Variants in GNAO1 observed in about 807,000 individuals in gnomAD.
GNAO1 encodes the protein guanine nucleotide-binding protein G(o) subunit alpha.
For missense variants in GNAO1, 166 were observed against 478.7 expected (o/e 0.35, Z 6.10); for synonymous variants, 164 against 180.7 (o/e 0.91, Z 0.74).
At chr16:56,343,395 T>C (rs534996339) in intron 6 of GNAO1, among the ~76,000 whole-genome samples, 2 of 148,460 alleles carry the variant, frequency 1.3e-5, no homozygotes, top group South Asian at 4.2e-4. Context: ...GAGAAGAGAG[T>C]ATTAGTCACT....
chr16:56,287,885 G>C (rs1325602396), intron 3 of GNAO1, among the ~76,000 whole-genome samples: 3 of 152,170 alleles, frequency 2.0e-5, no homozygotes, highest in African/African-American at 7.2e-5. Flanking sequence ...ATCACAGAGA[G>C]GGAGGAGAGT....
intron 2 of GNAO1, among the ~76,000 whole-genome samples, chr16:56,218,096 A>T (rs1350468855): frequency 6.6e-6 from 1 of 152,218 alleles, no homozygotes; most frequent in Non-Finnish European, 1.5e-5. Flanking sequence ...CTGATATTCT[A>T]AGAATTGCCA....
chr16:56,260,972 G>C (rs1228416597), intron 2 of GNAO1, among the ~76,000 whole-genome samples: 2 of 152,168 alleles, frequency 1.3e-5, no homozygotes, highest in Non-Finnish European at 2.9e-5. Flanking sequence ...CCCAACAAAG[G>C]GGTGGCGCAG....
chr16:56,332,169 C>T (rs530314716), intron 4 of GNAO1, among the ~76,000 whole-genome samples: 2 of 152,324 alleles, frequency 1.3e-5, no homozygotes, highest in Admixed American at 1.3e-4. Context: ...CAACATGCTT[C>T]TGGCCAGAAC....
At chr16:56,306,205 T>C (rs1211624061) in intron 3 of GNAO1, among the ~76,000 whole-genome samples, 2 of 152,202 alleles carry the variant, frequency 1.3e-5, no homozygotes, top group East Asian at 3.8e-4. Flanking sequence ...CAAGCAGCCT[T>C]TCTTACCGAA....
intron 2 of GNAO1, among the ~76,000 whole-genome samples, chr16:56,204,409 G>A (rs1238503773): frequency 6.6e-6 from 1 of 152,150 alleles, no homozygotes; most frequent in Admixed American, 6.5e-5. Context: ...GTGTCCCTGG[G>A]GTGAGCATAC....
rs147627705 is a variant in GNAO1, at chr16:56,250,792, A to G, written c.162-25139A>G. ...CAGCCTCAGCTCCAAATCCCCATGC[A>G]AAGTGTTTCTTTACTGGATATCCCA... On this transcript the variant is annotated intron_variant, in intron 2 of 8. Coordinates refer to ENST00000262493, the MANE Select transcript of GNAO1 (RefSeq NM_020988.3). Among the ~76,000 whole-genome samples the G allele has an allele frequency of 3.3e-3, 495 of 151,382 alleles. 2 individuals carry two copies. Among genetic ancestry groups the G allele is most frequent in the African/African-American group, 0.011 (474 of 41,558 alleles).
chr16:56,196,154 G>A (rs2036231054), intron 2 of GNAO1, among the ~76,000 whole-genome samples: 1 of 152,034 alleles, frequency 6.6e-6, no homozygotes, highest in Non-Finnish European at 1.5e-5. Context: ...CCTTGTGTGT[G>A]TGATTGTGAA....
chr16:56,226,311 T>A (rs1481325028), intron 2 of GNAO1: 1 of 152,250 alleles, frequency 6.6e-6, no homozygotes, highest in East Asian at 1.9e-4. Flanking sequence ...GATAGTGGTG[T>A]GCTGGTAAAC....
chr16:56,257,171 G>A (rs1191057927), intron 2 of GNAO1, among the ~76,000 whole-genome samples: 3 of 152,052 alleles, frequency 2.0e-5, no homozygotes, highest in South Asian at 2.1e-4. Context: ...AAGGGGACTG[G>A]GTTTGGGGGG....
intron 2 of GNAO1, among the ~76,000 whole-genome samples, chr16:56,207,902 C>T (rs185405374): frequency 6.6e-6 from 1 of 152,234 alleles, no homozygotes; most frequent in African/African-American, 2.4e-5. Context: ...AGGTAACCAT[C>T]ACTAGGTAAA....
At chr16:56,320,862 C>T (rs1366543708) in intron 3 of GNAO1, among the ~76,000 whole-genome samples, 1 of 152,236 alleles carries the variant, frequency 6.6e-6, no homozygotes, top group Non-Finnish European at 1.5e-5. Flanking sequence ...GGACCCACTC[C>T]TTCATGCCTC....
chr16:56,223,562 G>A lies in GNAO1; in HGVS notation c.161+30946G>A, dbSNP rs866721207. Among the ~76,000 whole-genome samples the A allele has an allele frequency of 2.6e-5, 4 of 152,192 alleles. No homozygotes were observed. The Middle Eastern group carries it at 9.5e-3, about 361-fold the overall frequency. On this transcript the variant is annotated intron_variant, in intron 2 of 8. Coordinates refer to ENST00000262493, the MANE Select transcript of GNAO1 (RefSeq NM_020988.3). Reference sequence around the variant, plus strand: ...TGTAAAGTTCCAGGGATTAGGATGTGGACCTCTTTGTTGGGAGAGGGGGCA... The same window carrying A: ...TGTAAAGTTCCAGGGATTAGGATGTAGACCTCTTTGTTGGGAGAGGGGGCA...
At chr16:56,193,932 A>G (rs1275433896) in intron 2 of GNAO1, 1 of 360,672 alleles carries the variant, frequency 2.8e-6, no homozygotes, top group African/African-American at 2.1e-5. Context: ...TTGACACAAT[A>G]GCCGAAATAA....
intron 2 of GNAO1, among the ~76,000 whole-genome samples, chr16:56,262,421 G>C (rs2036911951): frequency 6.6e-6 from 1 of 152,216 alleles, no homozygotes; most frequent in South Asian, 2.1e-4. Flanking sequence ...TCTGTGAGCT[G>C]TCAGCCAAAG....
intron 3 of GNAO1, among the ~76,000 whole-genome samples, chr16:56,310,811 CTG>C (rs2037450142): frequency 6.6e-6 from 1 of 152,088 alleles, no homozygotes; most frequent in African/African-American, 2.4e-5. Context: ...ATCTACTAGT[CTG>C]GGGCAGGTGT....
In GNAO1 at chr16:56,191,966, T is replaced by TTGC; in HGVS notation, c.-268_-267insCTG. 1 of 513,492 alleles carries TTGC rather than the reference T, an allele frequency of 1.9e-6. No individual in the cohort carries two copies. Among genetic ancestry groups the TTGC allele is most frequent in the South Asian group, 2.7e-5 (1 of 37,584 alleles). The allele number at this position is 513,492 out of a possible 1,614,324, so 31.8% of individuals were successfully genotyped here. ...CCTCGGCCCGCGGGCGCCTCCTCCC[T>TTGC]TGGCTCCGGAGCCCCAGACCCCGGC... On this transcript the variant is annotated 5_prime_UTR_variant, in exon 1 of 9. Coordinates refer to ENST00000262493, the MANE Select transcript of GNAO1 (RefSeq NM_020988.3). The surrounding 1 kb of genome is among the most constrained non-coding windows in gnomAD (Gnocchi z 4.7).
chr16:56,340,815 C>T, intron 6 of GNAO1: 2 of 1,610,692 alleles, frequency 1.2e-6, no homozygotes, highest in Non-Finnish European at 1.7e-6. Flanking sequence ...CCCTCACTCA[C>T]CCCTCCACTC....
At chr16:56,300,770 T>C (rs1817750367) in intron 3 of GNAO1, 1 of 152,246 alleles carries the variant, frequency 6.6e-6, no homozygotes, top group Non-Finnish European at 1.5e-5. Context: ...AGCATCCTGC[T>C]CCCACTTGGC....
Sources: gnomAD v4.1 joint callset for allele counts (sites outside exome capture counted in the v4.1 genomes callset) on GRCh38, gnomAD v4.1.1 for gene constraint, Gnocchi (gnomAD v3.1) non-coding constraint, MANE v1.5 for transcripts, NCBI Gene and HGNC (gene_info 2026-07-23, HGNC 2026-07-21) for gene names.